The following USP44 variants were observed in gnomAD, a reference collection of about 807,000 sequenced individuals.
USP44 encodes the protein ubiquitin carboxyl-terminal hydrolase 44.
In USP44, 61 loss-of-function variants were observed where a neutral mutation model predicts 69.0. That is an observed-to-expected ratio of 0.88 (90% confidence interval 0.72 to 1.09). The LOEUF is 1.09. Ranked by LOEUF, USP44 falls within the 50% of genes least tolerant of loss-of-function variation. The pLI is 0.00. For missense variants in USP44, 753 were observed against 849.9 expected (o/e 0.89, Z 1.42); for synonymous variants, 297 against 295.4 (o/e 1.01, Z -0.06).
At position 95,516,991 on chromosome 12, in the gene USP44, TAGC is replaced by T. The variant is rs1162041221; in HGVS notation, c.*1160_*1162del. 6.6e-6 allele frequency: 1 copy of T among 151,780 alleles called. No individual in the cohort carries two copies. Among genetic ancestry groups the T allele is most frequent in the Non-Finnish European group, 1.5e-5 (1 of 67,976 alleles). 9.4% of individuals were successfully genotyped at this position (151,780 alleles called of 1,614,324 possible). A position where few individuals can be genotyped will look rare whatever the true frequency, so the allele number is the denominator to read the frequency against. On this transcript the variant is annotated 3_prime_UTR_variant, in exon 6 of 6. Coordinates refer to ENST00000258499, the MANE Select transcript of USP44 (RefSeq NM_032147.5). ...CTACCCTCTCCAAATAAGATAAAGT[TAGC>T]AGCAACAGGACTTTAAAGAAACCCA... is the stretch of plus-strand genomic sequence containing the variant.
intron 1 of USP44, among the ~76,000 whole-genome samples, chr12:95,542,711 A>C (rs943087953): frequency 5.4e-5 from 8 of 148,192 alleles, no homozygotes; most frequent in African/African-American, 2.0e-4. Flanking sequence ...GCAGTGAGCC[A>C]CTGCACTCCA....
Position 95,534,169 on chromosome 12 carries a change from C to T in USP44, c.88G>A (p.Val30Met), listed in dbSNP as rs1465864558. The change falls in exon 2 of 6, where the codon GTG becomes ATG. Residue 30 changes from valine to methionine, a missense_variant. Physicochemically the swap from Val to Met is conservative, Grantham distance 21. Coordinates refer to ENST00000258499, the MANE Select transcript of USP44 (RefSeq NM_032147.5). ...ATGGACTCGGTCGTGTTGCAGTCCA[C>T]ACAGTGCCATTTCTGAGGGTTGAGG... ...SSLNPQKWHC[V>M]DCNTTESIWA... 1 of 1,614,060 alleles carries T rather than the reference C, an allele frequency of 6.2e-7. No homozygotes were observed. Among genetic ancestry groups the T allele is most frequent in the Non-Finnish European group, 8.5e-7 (1 of 1,180,046 alleles).
rs377283145 is a variant in USP44, at chr12:95,528,983, T to C, written c.1448A>G (p.Asp483Gly). 6 of 1,612,324 alleles carry C rather than the reference T, an allele frequency of 3.7e-6. No individual in the cohort carries two copies. In the African/African-American group the frequency reaches 5.3e-5, roughly 14 times the overall value. Residue 483 changes from aspartate to glycine, a missense_variant, in exon 3 of 6, where the codon GAC becomes GGC. Asp to Gly is a moderately conservative substitution (Grantham distance 94, BLOSUM62 -1). Transcript: ENST00000258499. The stretch of plus-strand genomic sequence containing the variant: ...AGGTTCTATGGTATTTGATTTGTTG[T>C]CACATGCAAGACATGTAACCTGCAA... ...LLSQVTCLAC[D>G]NKSNTIEPFW...
intron 2 of USP44, among the ~76,000 whole-genome samples, chr12:95,530,568 T>TA (rs1431181593): frequency 6.6e-6 from 1 of 152,096 alleles, no homozygotes; most frequent in African/African-American, 2.4e-5. Context: ...AAAAAGCTGG[T>TA]ACAATAATTT....
At chr12:95,550,592 T>C (rs943525001) in intron 1 of USP44, among the ~76,000 whole-genome samples, 1 of 152,228 alleles carries the variant, frequency 6.6e-6, no homozygotes, top group African/African-American at 2.4e-5. Flanking sequence ...TGGTTTTTCC[T>C]GTAATTCCTT....
At chr12:95,530,646 TATAGATAGATAGATAGATAGATAGATAG>T (rs56051106) in intron 2 of USP44, among the ~76,000 whole-genome samples, 2 of 147,336 alleles carry the variant, frequency 1.4e-5, no homozygotes, top group African/African-American at 2.5e-5. Context: ...CTACTGGAAA[TATAGATAGATAGATAGATAGATAGATAG>T]ATAGATAGAT....
chr12:95,520,191 A>G (rs1369392510), intron 5 of USP44, among the ~76,000 whole-genome samples: 1 of 151,442 alleles, frequency 6.6e-6, no homozygotes, highest in African/African-American at 2.4e-5. Flanking sequence ...TTCAACAGTA[A>G]GTATCAAAAG....
At chr12:95,534,629 A>G (rs1202624595) in intron 1 of USP44, among the ~76,000 whole-genome samples, 2 of 150,658 alleles carry the variant, frequency 1.3e-5, no homozygotes, top group East Asian at 1.9e-4. Flanking sequence ...CTTAAGATCT[A>G]TCCTTTTTTA....
chr12:95,525,695 C>A (rs1449373516), intron 3 of USP44, among the ~76,000 whole-genome samples: 2 of 152,216 alleles, frequency 1.3e-5, no homozygotes, highest in African/African-American at 2.4e-5. Flanking sequence ...TCTTTTAGCA[C>A]TAGATCTTAG....
At chr12:95,528,703 A>C in intron 3 of USP44, 104 bp downstream of exon 3, 1 of 1,235,014 alleles carries the variant, frequency 8.1e-7, no homozygotes, top group East Asian at 2.4e-5. Context: ...AACTGAAAAA[A>C]AGTTCATTTT....
chr12:95,542,462 T>C (rs2077420344), intron 1 of USP44, among the ~76,000 whole-genome samples: 1 of 152,184 alleles, frequency 6.6e-6, no homozygotes, highest in Admixed American at 6.6e-5. Context: ...CTTTATGATA[T>C]TTGAATCAGA....
chr12:95,532,588 G>A (rs931220182), intron 2 of USP44, among the ~76,000 whole-genome samples: 4 of 151,824 alleles, frequency 2.6e-5, no homozygotes, highest in East Asian at 1.9e-4. Flanking sequence ...AGAGAGCTCC[G>A]TCTCCTGATT....
chr12:95,533,722 GT>G lies in USP44; in HGVS notation c.534del (p.Glu178AspfsTer7). The G allele has an allele frequency of 1.2e-6, 2 of 1,613,760 alleles. No homozygotes were observed. Among genetic ancestry groups the G allele is most frequent in the Non-Finnish European group, 1.7e-6 (2 of 1,179,964 alleles). ...QSPIGRKKQE[E>X]PFQEKIVVKR... Reference sequence around the variant, plus strand: ...TTTACTACTATTTTTTCCTGAAATGGTTCTTCTTGCTTTTTTCTTCCAATGG... The same window carrying G: ...TTTACTACTATTTTTTCCTGAAATGGTCTTCTTGCTTTTTTCTTCCAATGG... On this transcript the variant is annotated frameshift_variant, in exon 2 of 6. Transcript: ENST00000258499. LOFTEE classifies it high-confidence loss of function.
chr12:95,529,017 A>C lies in USP44; in HGVS notation c.1429-15T>G. Reference sequence around the variant, plus strand: ...AGACATGTAACCTGCAAATGAGAATATGAGTTCCTAAGATTATAATCTTTC... The same window carrying C: ...AGACATGTAACCTGCAAATGAGAATCTGAGTTCCTAAGATTATAATCTTTC... On this transcript the variant is annotated splice_polypyrimidine_tract_variant and intron_variant, in intron 2 of 5. Transcript: ENST00000258499. 1 of 1,591,806 alleles carries C rather than the reference A, an allele frequency of 6.3e-7. No homozygotes were observed. Among genetic ancestry groups the C allele is most frequent in the Non-Finnish European group, 8.6e-7 (1 of 1,168,502 alleles).
intron 5 of USP44, among the ~76,000 whole-genome samples, chr12:95,519,479 A>G (rs1238332378): frequency 5.0e-5 from 6 of 120,026 alleles, no homozygotes; most frequent in Non-Finnish European, 7.9e-5. Context: ...TCGCTCTGTC[A>G]CCCAGGCTGG....
chr12:95,533,818 A>G lies in USP44; in HGVS notation c.439T>C (p.Tyr147His), dbSNP rs928648070. 1 of 1,614,192 alleles carries G rather than the reference A, an allele frequency of 6.2e-7. No individual in the cohort carries two copies. Among genetic ancestry groups the G allele is most frequent in the Non-Finnish European group, 8.5e-7 (1 of 1,180,034 alleles). The change falls in exon 2 of 6, where the codon TAT becomes CAT. Residue 147 changes from tyrosine to histidine, a missense_variant. Physicochemically the swap from Tyr to His is moderately conservative, Grantham distance 83. Coordinates refer to ENST00000258499, the MANE Select transcript of USP44 (RefSeq NM_032147.5). ...QSLLQSEDQL[Y>H]TALWHRRRIL... Reference sequence around the variant, plus strand: ...CTTCTCCTGTGCCAAAGAGCAGTATACAGTTGATCTTCACTTTGAAGCAGA... The same window carrying G: ...CTTCTCCTGTGCCAAAGAGCAGTATGCAGTTGATCTTCACTTTGAAGCAGA...
intron 4 of USP44, chr12:95,524,426 G>GT (rs2076767091): frequency 4.3e-6 from 1 of 234,614 alleles, no homozygotes; most frequent in South Asian, 6.8e-5. Flanking sequence ...GAGCCCAGGA[G>GT]TTTGAGACCA....
chr12:95,549,024 G>C (rs942501530), intron 1 of USP44, among the ~76,000 whole-genome samples: 2 of 152,172 alleles, frequency 1.3e-5, no homozygotes, highest in East Asian at 3.9e-4. Context: ...CGAACAACAA[G>C]CACTGCCTCC....
intron 2 of USP44, among the ~76,000 whole-genome samples, chr12:95,529,794 C>T (rs1290397607): frequency 6.6e-6 from 1 of 152,114 alleles, no homozygotes; most frequent in African/African-American, 2.4e-5. Context: ...CAATCTTAAC[C>T]ATATTACAAG....
Sources: gnomAD v4.1 joint callset for allele counts (sites outside exome capture counted in the v4.1 genomes callset) on GRCh38, gnomAD v4.1.1 for gene constraint, MANE v1.5 for transcripts, NCBI Gene and HGNC (gene_info 2026-07-23, HGNC 2026-07-21) for gene names.